WDFY3: variants seen among roughly 807,000 people sequenced by gnomAD.
The protein encoded by WDFY3 is WD repeat and FYVE domain containing 3, also known as WD repeat and FYVE domain-containing protein 3.
In WDFY3, 66 loss-of-function variants were observed where a neutral mutation model predicts 409.6. That is an observed-to-expected ratio of 0.16 (90% CI 0.13 to 0.20). The LOEUF (loss-of-function observed/expected upper bound fraction) is 0.20, where lower values mean the gene tolerates loss of function less well. Ranked by LOEUF, WDFY3 falls within the 10% of genes least tolerant of loss-of-function variation. The pLI is 1.00. For synonymous variants in WDFY3, 1,521 were observed against 1,537.1 expected (o/e 0.99, Z 0.25); for missense variants, 3,031 against 4,298.1 (o/e 0.71, Z 8.24).
rs1234330646 is a variant in WDFY3, at chr4:84,765,927, G to A, written c.5071C>T (p.Leu1691Phe). ...GACTGATTACTTAGTAGGACAACAA[G>A]AATCCTCATGGCTGCTGTAACTGTG... is the stretch of plus-strand genomic sequence containing the variant. The part of the protein sequence containing the change: ...STTVTAAMRI[L>F]VVLLSNQSIL... The change falls in exon 32 of 68, where the codon CTT becomes TTT. Residue 1691 changes from leucine to phenylalanine, a missense_variant. Around this residue, in one of 16 missense-constraint regions of WDFY3, gnomAD observed 342 missense variants for 463.7 expected, o/e 0.74. Coordinates refer to ENST00000295888, the MANE Select transcript of WDFY3 (RefSeq NM_014991.6). 1.2e-6 allele frequency: 2 copies of A among 1,613,912 alleles called. No homozygotes were observed. Among genetic ancestry groups the A allele is most frequent in the African/African-American group, 2.7e-5 (2 of 74,986 alleles).
intron 3 of WDFY3, among the ~76,000 whole-genome samples, chr4:84,867,145 T>C (rs143664968): frequency 1.3e-5 from 2 of 152,224 alleles, no homozygotes; most frequent in African/African-American, 2.4e-5. Flanking sequence ...GCACACTAGT[T>C]ACATTCAATA....
chr4:84,853,551 G>T (rs1389256577), intron 4 of WDFY3, among the ~76,000 whole-genome samples: 1 of 152,064 alleles, frequency 6.6e-6, no homozygotes, highest in Non-Finnish European at 1.5e-5. Context: ...TTGCTCCTAA[G>T]AATTAGTATG....
In WDFY3 at chr4:84,774,971, T is replaced by C. The variant is rs752680032; in HGVS notation, c.4603A>G (p.Lys1535Glu). ...AATTCTCTCATTAATTTGGCATTCTTTGAGGCTTCACTATAAGAGAAAGAA... is the reference window on the plus strand; with the variant it reads ...AATTCTCTCATTAATTTGGCATTCTCTGAGGCTTCACTATAAGAGAAAGAA... ...ELLTESSEAS[K>E]NAKLMREFQL... The change falls in exon 29 of 68, where the codon AAG (lysine) becomes GAG (glutamate). Residue 1535 changes from lysine (K) to glutamate (E), a missense_variant. Around this residue, in one of 16 missense-constraint regions of WDFY3, gnomAD observed 342 missense variants for 463.7 expected, o/e 0.74. Coordinates refer to ENST00000295888, the MANE Select transcript of WDFY3 (RefSeq NM_014991.6). 3 of 1,613,794 alleles carry C rather than the reference T, an allele frequency of 1.9e-6. No homozygotes were observed. The highest frequency in any genetic ancestry group is 1.7e-6 in the Non-Finnish European group (2 of 1,179,862).
chr4:84,908,323 T>C (rs934964479), intron 2 of WDFY3, among the ~76,000 whole-genome samples: 3 of 152,116 alleles, frequency 2.0e-5, no homozygotes, highest in Admixed American at 6.5e-5. Flanking sequence ...ATTTAGAAGG[T>C]AGAAAGATAG....
chr4:84,897,248 T>G (rs889667623), intron 2 of WDFY3, among the ~76,000 whole-genome samples: 1 of 152,218 alleles, frequency 6.6e-6, no homozygotes, highest in Admixed American at 6.5e-5. Flanking sequence ...TCCCAACTGA[T>G]TCTAATGTGC....
intron 22 of WDFY3, among the ~76,000 whole-genome samples, chr4:84,788,125 G>T: frequency 6.6e-6 from 1 of 152,120 alleles, no homozygotes; most frequent in Non-Finnish European, 1.5e-5. Flanking sequence ...TAAAATTACT[G>T]ATGAAAAGCG....
chr4:84,928,874 C>A (rs1209056867), intron 2 of WDFY3, among the ~76,000 whole-genome samples: 2 of 152,088 alleles, frequency 1.3e-5, no homozygotes, highest in East Asian at 3.9e-4. Context: ...TACACAGGAC[C>A]AAAACATATC....
At chr4:84,726,284 T>C (rs921315433) in intron 45 of WDFY3, among the ~76,000 whole-genome samples, 1 of 152,184 alleles carries the variant, frequency 6.6e-6, no homozygotes, top group Non-Finnish European at 1.5e-5. Context: ...TGTACATTTC[T>C]GTGTTCTAAA....
At chr4:84,753,085 C>T (rs558784494) in intron 35 of WDFY3, among the ~76,000 whole-genome samples, 45 of 152,172 alleles carry the variant, frequency 3.0e-4, no homozygotes, top group African/African-American at 8.9e-4. Context: ...TGAATTTCCA[C>T]GTGAATACAT....
chr4:84,727,632 T>C (rs1488578747), intron 44 of WDFY3, among the ~76,000 whole-genome samples: 1 of 152,236 alleles, frequency 6.6e-6, no homozygotes, highest in Admixed American at 6.5e-5. Flanking sequence ...TGTGGCTTCA[T>C]GTAAGCACAC....
chr4:84,738,866 G>C (rs1005249577), intron 40 of WDFY3, 144 bp downstream of exon 40: 21 of 666,722 alleles, frequency 3.1e-5, no homozygotes, highest in Admixed American at 8.0e-5. Context: ...TTATTGGCAT[G>C]AGGAGACTCT....
chr4:84,841,983 A>G (rs938084237), intron 5 of WDFY3, among the ~76,000 whole-genome samples: 3 of 152,204 alleles, frequency 2.0e-5, no homozygotes, highest in African/African-American at 7.2e-5. Context: ...CAGAGTAGGA[A>G]GAGAGAAACG....
At chr4:84,765,664 T>G in intron 32 of WDFY3, 146 bp downstream of exon 32, 1 of 636,610 alleles carries the variant, frequency 1.6e-6, no homozygotes, top group South Asian at 2.8e-5. Flanking sequence ...TAATTTGAAA[T>G]CTTGTAAGCT....
chr4:84,877,323 T>C (rs1051203308), intron 3 of WDFY3, among the ~76,000 whole-genome samples: 6 of 152,144 alleles, frequency 3.9e-5, no homozygotes, highest in Non-Finnish European at 7.4e-5. Context: ...ACTGTCCCTC[T>C]TCTAAGAAGC....
At chr4:84,674,274 T>C (rs969734159) in intron 67 of WDFY3, among the ~76,000 whole-genome samples, 1 of 152,114 alleles carries the variant, frequency 6.6e-6, no homozygotes, top group Non-Finnish European at 1.5e-5. Context: ...CTAGTACAAA[T>C]CACTAGATTA....
intron 2 of WDFY3, among the ~76,000 whole-genome samples, chr4:84,898,565 C>T (rs538019875): frequency 6.6e-6 from 1 of 152,298 alleles, no homozygotes; most frequent in East Asian, 1.9e-4. Flanking sequence ...GGTCTTCCCA[C>T]CTCCCTGATG....
intron 2 of WDFY3, among the ~76,000 whole-genome samples, chr4:84,898,867 A>G (rs1765979278): frequency 6.6e-6 from 1 of 152,222 alleles, no homozygotes; most frequent in African/African-American, 2.4e-5. Context: ...CTTGGCTACT[A>G]ACCTAAGATT....
chr4:84,693,626 G>A (rs1729615798), intron 58 of WDFY3, among the ~76,000 whole-genome samples: 1 of 152,170 alleles, frequency 6.6e-6, no homozygotes. Flanking sequence ...GGCTGGGTGA[G>A]GTGGCTCATG....
chr4:84,737,153 C>T (rs1359526869), intron 41 of WDFY3, 31 bp downstream of exon 41: 16 of 1,612,786 alleles, frequency 9.9e-6, no homozygotes, highest in Admixed American at 5.0e-5. Flanking sequence ...ACATGTAAAT[C>T]TCCTGGTGGT....
Sources: allele counts gnomAD v4.1 joint callset (sites outside exome capture counted in the v4.1 genomes callset), GRCh38; gene constraint gnomAD v4.1.1; regional missense constraint gnomAD v4.1.1; transcripts MANE v1.5; gene names NCBI Gene and HGNC (gene_info 2026-07-23, HGNC 2026-07-21).